ZHX2: variants seen among roughly 807,000 people sequenced by gnomAD.
ZHX2 encodes the protein zinc fingers and homeoboxes 2, also known as zinc fingers and homeoboxes protein 2.
In ZHX2, 6 loss-of-function variants were observed where a neutral mutation model predicts 21.9. The ratio of observed to expected loss-of-function variants is 0.27; its 90% CI spans 0.15 to 0.54. The LOEUF (loss-of-function observed/expected upper bound fraction) is 0.54, where lower values mean the gene tolerates loss of function less well. Ranked by LOEUF, ZHX2 falls within the 20% of genes least tolerant of loss-of-function variation. The pLI is 0.95. For missense variants in ZHX2, 908 were observed against 1,090.7 expected, an observed-to-expected ratio of 0.83 and a Z score of 2.36; for synonymous variants, 434 against 437.1, an observed-to-expected ratio of 0.99 and a Z score of 0.09.
rs1361871859 is a variant in ZHX2 at position 122,893,910 on chromosome 8, T to A, written c.-220+30371T>A. Among the ~76,000 whole-genome samples, 3 of 152,282 alleles carry A rather than the reference T, an allele frequency of 2.0e-5. No individual in the cohort carries two copies. In the East Asian group the frequency reaches 5.8e-4, roughly 29 times the overall value. ...GTTTTTTCTTATTTCTGTGTCCCTATATTGATATCTGTGCATCTGGTGGGA... is the reference window on the plus strand; with the variant it reads ...GTTTTTTCTTATTTCTGTGTCCCTAAATTGATATCTGTGCATCTGGTGGGA... On this transcript the variant is annotated intron_variant, in intron 2 of 3. Coordinates refer to ENST00000314393, the MANE Select transcript of ZHX2 (RefSeq NM_014943.5).
intron 2 of ZHX2, among the ~76,000 whole-genome samples, chr8:122,890,518 GT>G (rs1377398441): frequency 6.6e-6 from 1 of 152,014 alleles, no homozygotes; most frequent in Non-Finnish European, 1.5e-5. Flanking sequence ...TTTGAAAGAG[GT>G]TGAATTGAAT....
chr8:122,811,974 T>G (rs971554120), intron 1 of ZHX2: 6 of 152,208 alleles, frequency 3.9e-5, no homozygotes, highest in African/African-American at 1.4e-4. Context: ...CTCATGGAAC[T>G]TACATTTTTG....
Position 122,953,069 on chromosome 8 carries a change from G to A in ZHX2, c.1559G>A (p.Arg520His), listed in dbSNP as rs757563650. The part of the protein sequence containing the change: ...QLAIAASRHG[R>H]TYHAYPDFAP... ...GCCATCGCGGCCTCCCGACACGGTC[G>A]CACGTATCATGCGTACCCAGACTTT... Residue 520 changes from arginine to histidine, a missense_variant, in exon 3 of 4, where the codon CGC (arginine) becomes CAC (histidine). By Grantham distance (29) the Arg-to-His change is conservative (BLOSUM62 0). Around this residue, in one of 4 missense-constraint regions of ZHX2, gnomAD observed 431 missense variants for 428.6 expected, o/e 1.01. Coordinates refer to ENST00000314393, the MANE Select transcript of ZHX2 (RefSeq NM_014943.5). This position sits in a 1 kb window ranked among gnomAD's most constrained non-coding sequence, Gnocchi z 4.6. 33 of 1,613,858 alleles carry A rather than the reference G, an allele frequency of 2.0e-5. No individual in the cohort carries two copies. The highest frequency in any genetic ancestry group is 2.0e-4 in the East Asian group (9 of 44,864).
In ZHX2 at chr8:122,960,848, A is replaced by G. The variant is rs568556362; in HGVS notation, c.*4+6820A>G. Among the ~76,000 whole-genome samples the G allele has an allele frequency of 4.6e-5, 7 of 152,318 alleles. No individual in the cohort carries two copies. In the East Asian group the frequency reaches 1.4e-3, roughly 29 times the overall value. On this transcript the variant is annotated intron_variant, in intron 3 of 3. Coordinates refer to ENST00000314393, the MANE Select transcript of ZHX2 (RefSeq NM_014943.5). ...GACATGGTTCATTGTCCATAACCCT[A>G]GAGAAAGTTTGATGCCCTCTGAGCT...
chr8:122,901,971 T>C (rs563142351), intron 2 of ZHX2, among the ~76,000 whole-genome samples: 1 of 152,322 alleles, frequency 6.6e-6, no homozygotes, highest in East Asian at 1.9e-4. Flanking sequence ...ACTGTAGCCC[T>C]TGAATTTGTA....
intron 2 of ZHX2, among the ~76,000 whole-genome samples, chr8:122,930,756 C>T (rs1317785375): frequency 6.6e-6 from 1 of 151,796 alleles, no homozygotes; most frequent in Non-Finnish European, 1.5e-5. Context: ...TCCCAAAGTG[C>T]TGGGAATACA....
chr8:122,952,028 G>C lies in ZHX2; in HGVS notation c.518G>C (p.Gly173Ala). The C allele has an allele frequency of 6.2e-7, 1 of 1,613,644 alleles. No individual in the cohort carries two copies. Among genetic ancestry groups the C allele is most frequent in the Non-Finnish European group, 8.5e-7 (1 of 1,179,966 alleles). The change falls in exon 3 of 4, where the codon GGT becomes GCT. Residue 173 changes from glycine to alanine, a missense_variant. Coordinates refer to ENST00000314393, the MANE Select transcript of ZHX2 (RefSeq NM_014943.5). This position sits in a 1 kb window ranked among gnomAD's most constrained non-coding sequence, Gnocchi z 6.9. The part of the protein sequence containing the change: ...VSITTSGPGT[G>A]DSDSGISVSK... ...ATCACCACCAGTGGCCCTGGAACTGGTGACAGTGATTCTGGGATCTCGGTG... is the reference window on the plus strand; with the variant it reads ...ATCACCACCAGTGGCCCTGGAACTGCTGACAGTGATTCTGGGATCTCGGTG...
chr8:122,935,027 T>C (rs923663423), intron 2 of ZHX2, among the ~76,000 whole-genome samples: 4 of 152,204 alleles, frequency 2.6e-5, no homozygotes, highest in African/African-American at 9.6e-5. Context: ...GTGCATCATT[T>C]TGACTACTTC....
chr8:122,853,134 T>C (rs1247900494), intron 1 of ZHX2, among the ~76,000 whole-genome samples: 1 of 152,192 alleles, frequency 6.6e-6, no homozygotes, highest in Non-Finnish European at 1.5e-5. Flanking sequence ...TGTACTTTAC[T>C]GATTTTAACA....
At chr8:122,800,652 C>T (rs1308058467) in intron 1 of ZHX2, among the ~76,000 whole-genome samples, 1 of 152,166 alleles carries the variant, frequency 6.6e-6, no homozygotes, top group Non-Finnish European at 1.5e-5. Context: ...ATCTTTGCAA[C>T]ATGTGTTATC....
chr8:122,970,505 C>T (rs1331948978), intron 3 of ZHX2, among the ~76,000 whole-genome samples: 1 of 152,308 alleles, frequency 6.6e-6, no homozygotes, highest in Middle Eastern at 3.4e-3. Context: ...TAACCAACCT[C>T]AGCACGTAGC....
intron 2 of ZHX2, among the ~76,000 whole-genome samples, chr8:122,888,917 T>C (rs1310994621): frequency 6.6e-6 from 1 of 152,188 alleles, no homozygotes; most frequent in Non-Finnish European, 1.5e-5. Flanking sequence ...TCCCAACCTA[T>C]AGTAACCACT....
intron 3 of ZHX2, among the ~76,000 whole-genome samples, chr8:122,959,455 G>A (rs1386760742): frequency 6.6e-6 from 1 of 152,094 alleles, no homozygotes; most frequent in Non-Finnish European, 1.5e-5. Context: ...TATTGTTGTC[G>A]ACTGTTTCCC....
chr8:122,786,295 G>A (rs1817394251), intron 1 of ZHX2, among the ~76,000 whole-genome samples: 1 of 152,148 alleles, frequency 6.6e-6, no homozygotes. Context: ...GATACCTTTG[G>A]CCATGACCTT....
intron 2 of ZHX2, among the ~76,000 whole-genome samples, chr8:122,897,630 A>G (rs1416014738): frequency 6.6e-6 from 1 of 152,206 alleles, no homozygotes; most frequent in African/African-American, 2.4e-5. Context: ...GGAACACTAA[A>G]GACTAGGTTA....
At chr8:122,881,820 T>C (rs1420578100) in intron 2 of ZHX2, among the ~76,000 whole-genome samples, 2 of 152,146 alleles carry the variant, frequency 1.3e-5, no homozygotes, top group African/African-American at 4.8e-5. Context: ...GGGGCTTCTG[T>C]TCCATCCCTA....
rs1303171853 is a variant in ZHX2, at chr8:122,954,024, G to A, written c.2514G>A (p.Ter838=). 6.3e-7 allele frequency: 1 copy of A among 1,579,656 alleles called. No homozygotes were observed. The highest frequency in any genetic ancestry group is 1.2e-5 in the South Asian group (1 of 85,546). The stretch of plus-strand genomic sequence containing the variant: ...TCCCTGCAGAGGCTGGCCAGGCCTA[G>A]ACAGGTAATTCCACCTGCTCACCCA... ...DCVPAEAGQA[*] Residue 838 remains the stop codon, a stop_retained_variant, in exon 3 of 4, where the codon TAG becomes TAA. Coordinates refer to ENST00000314393, the MANE Select transcript of ZHX2 (RefSeq NM_014943.5).
At chr8:122,958,808 T>G (rs914413459) in intron 3 of ZHX2, among the ~76,000 whole-genome samples, 1 of 152,234 alleles carries the variant, frequency 6.6e-6, no homozygotes, top group Non-Finnish European at 1.5e-5. Flanking sequence ...TAATCCACAA[T>G]GTATTCATTC....
At chr8:122,892,851 A>G (rs1447191280) in intron 2 of ZHX2, among the ~76,000 whole-genome samples, 2 of 151,936 alleles carry the variant, frequency 1.3e-5, no homozygotes, top group African/African-American at 4.8e-5. Context: ...CATTTGGCTA[A>G]TTTTTTGTAT....
Sources: allele counts gnomAD v4.1 joint callset (sites outside exome capture counted in the v4.1 genomes callset), GRCh38; gene constraint gnomAD v4.1.1; regional missense constraint gnomAD v4.1.1; non-coding constraint Gnocchi (gnomAD v3.1); transcripts MANE v1.5; gene names NCBI Gene and HGNC (gene_info 2026-07-23, HGNC 2026-07-21).